Variants in CSTF3 observed in about 807,000 individuals in gnomAD.
CSTF3 encodes CF-1 77 kDa subunit.
CSTF3 carries 29 observed loss-of-function variants against 105.8 expected under a neutral mutation model. That is an observed-to-expected ratio of 0.27 (90% CI 0.20 to 0.37). CSTF3 has a LOEUF of 0.37. Ranked by LOEUF, CSTF3 falls within the 10% of genes least tolerant of loss-of-function variation. CSTF3 has a pLI of 1.00. For synonymous variants in CSTF3, 252 were observed against 281.9 expected, an observed-to-expected ratio of 0.89 and a Z score of 1.06; for missense variants, 357 against 879.3, an observed-to-expected ratio of 0.41 and a Z score of 7.51.
At chr11:33,098,986 T>A in intron 12 of CSTF3, 48 bp downstream of exon 12, 1 of 1,541,852 alleles carries the variant, frequency 6.5e-7, no homozygotes, top group Non-Finnish European at 8.6e-7. Flanking sequence ...AGTTCAGTCC[T>A]GCACTAAAAA....
chr11:33,090,883 T>C (rs562021418), intron 16 of CSTF3, among the ~76,000 whole-genome samples, 156 bp from the exon 17 acceptor site: 105 of 152,356 alleles, frequency 6.9e-4, no homozygotes, highest in Non-Finnish European at 1.2e-3. Context: ...AATAGAATAG[T>C]ATAATGAATA....
At chr11:33,090,395 G>C (rs951072549) in intron 17 of CSTF3, 137 bp downstream of exon 17, 1 of 504,110 alleles carries the variant, frequency 2.0e-6, no homozygotes, top group Non-Finnish European at 3.2e-6. Context: ...GAAAATCTTT[G>C]AACTTTTTTC....
intron 7 of CSTF3, 45 bp from the exon 8 acceptor site, chr11:33,105,738 C>T (rs935482031): frequency 3.1e-6 from 5 of 1,599,948 alleles, no homozygotes; most frequent in Non-Finnish European, 3.4e-6. Flanking sequence ...ATAACCAAAT[C>T]TCATTCAACC....
chr11:33,088,070 G>T (rs926830022), intron 17 of CSTF3, among the ~76,000 whole-genome samples: 13 of 152,102 alleles, frequency 8.5e-5, no homozygotes, highest in African/African-American at 2.9e-4. Flanking sequence ...AAATGGAGTT[G>T]GTGACATCTG....
At chr11:33,127,150 G>C (rs1194059983) in intron 3 of CSTF3, among the ~76,000 whole-genome samples, 2 of 152,072 alleles carry the variant, frequency 1.3e-5, no homozygotes, top group East Asian at 1.9e-4. Context: ...CTAGAGAATA[G>C]ACTTTACTAT....
intron 3 of CSTF3, among the ~76,000 whole-genome samples, chr11:33,131,480 G>A (rs11032153): frequency 0.12 from 18,848 of 152,106 alleles, 2,961 homozygotes; most frequent in African/African-American, 0.37. Flanking sequence ...GATTTCTTAG[G>A]TCAGTTCGTA....
At chr11:33,097,429 G>A (rs1449871819) in intron 13 of CSTF3, among the ~76,000 whole-genome samples, 1 of 152,130 alleles carries the variant, frequency 6.6e-6, no homozygotes, top group East Asian at 1.9e-4. Context: ...GAGTGCAGTG[G>A]TGCGATCTTG....
At chr11:33,111,856 T>G (rs1432969926) in intron 3 of CSTF3, among the ~76,000 whole-genome samples, 1 of 152,222 alleles carries the variant, frequency 6.6e-6, no homozygotes, top group Non-Finnish European at 1.5e-5. Flanking sequence ...ATGCAACCAG[T>G]AAATATTATT....
At chr11:33,115,267 G>A (rs1355899752) in intron 3 of CSTF3, among the ~76,000 whole-genome samples, 1 of 152,132 alleles carries the variant, frequency 6.6e-6, no homozygotes, top group Non-Finnish European at 1.5e-5. Flanking sequence ...CCTGAAATCT[G>A]AAAGCAAATG....
chr11:33,102,407 G>A (rs1855289164), intron 9 of CSTF3, 68 bp from the exon 10 acceptor site: 1 of 1,477,362 alleles, frequency 6.8e-7, no homozygotes, highest in Non-Finnish European at 9.4e-7. Flanking sequence ...GGATGGGGTA[G>A]ATCAGTTTGG....
chr11:33,134,199 T>G (rs1565014907), intron 3 of CSTF3, among the ~76,000 whole-genome samples: 1 of 152,218 alleles, frequency 6.6e-6, no homozygotes. Context: ...AATTTCAAAA[T>G]AAAGTTACAA....
chr11:33,110,383 G>C lies in CSTF3; in HGVS notation c.226-1965C>G, dbSNP rs192601114. Among the ~76,000 whole-genome samples the C allele has an allele frequency of 1.3e-4, 20 of 152,254 alleles. 1 individual carries two copies. Among genetic ancestry groups the C allele is most frequent in the South Asian group, 2.1e-4 (1 of 4,826 alleles). On this transcript the variant is annotated intron_variant, in intron 3 of 20. Coordinates refer to ENST00000323959, the MANE Select transcript of CSTF3 (RefSeq NM_001326.3). ...TTCGTCTGGGGTAAAGACATTTGAG[G>C]GGTTCCAAATTTTCTATGGGTCAGC...
At chr11:33,146,970 A>G (rs995282633) in intron 1 of CSTF3, among the ~76,000 whole-genome samples, 1 of 152,128 alleles carries the variant, frequency 6.6e-6, no homozygotes, top group Admixed American at 6.5e-5. Flanking sequence ...GTTCAAGAGC[A>G]GCTGAGCAAC....
chr11:33,099,781 G>A lies in CSTF3; in HGVS notation c.827-64C>T. ...AATTATTATTTGTAAAACTATCAATGTAAATATCATAACCAAATTAGGCTC... is the reference window on the plus strand; with the variant it reads ...AATTATTATTTGTAAAACTATCAATATAAATATCATAACCAAATTAGGCTC... On this transcript the variant is annotated intron_variant, in intron 10 of 20. Transcript: ENST00000323959. This position sits in a 1 kb window ranked among gnomAD's most constrained non-coding sequence, Gnocchi z 4.1. 1 of 1,060,270 alleles carries A rather than the reference G, an allele frequency of 9.4e-7. No homozygotes were observed. 65.7% of individuals were successfully genotyped at this position (1,060,270 alleles called of 1,614,324 possible). A position where few individuals can be genotyped will look rare whatever the true frequency, so the allele number is the denominator to read the frequency against.
At chr11:33,152,438 C>A (rs2133807498) in intron 1 of CSTF3, among the ~76,000 whole-genome samples, 1 of 152,148 alleles carries the variant, frequency 6.6e-6, no homozygotes, top group East Asian at 1.9e-4. Flanking sequence ...TGGGTTTTTT[C>A]ATTAATGAAT....
chr11:33,129,574 A>C (rs1855577878), intron 3 of CSTF3, among the ~76,000 whole-genome samples: 1 of 152,182 alleles, frequency 6.6e-6, no homozygotes, highest in South Asian at 2.1e-4. Flanking sequence ...TAATCCAGGC[A>C]AATACGTCAG....
At chr11:33,157,130 AT>A (rs1849877047) in intron 1 of CSTF3, among the ~76,000 whole-genome samples, 2 of 152,202 alleles carry the variant, frequency 1.3e-5, no homozygotes, top group Admixed American at 6.5e-5. Context: ...AGGCAGGCAG[AT>A]CACTTGAGGT....
intron 3 of CSTF3, among the ~76,000 whole-genome samples, chr11:33,131,075 A>G (rs918488013): frequency 1.3e-5 from 2 of 152,198 alleles, no homozygotes; most frequent in South Asian, 2.1e-4. Context: ...TTAAAATCCA[A>G]AATTACAAAG....
chr11:33,145,154 C>T (rs925713642), intron 1 of CSTF3, among the ~76,000 whole-genome samples: 3 of 151,972 alleles, frequency 2.0e-5, no homozygotes, highest in Admixed American at 6.6e-5. Flanking sequence ...AAAATGCAGC[C>T]GGATGCAGAG....
Sources: gnomAD v4.1 joint callset for allele counts (sites outside exome capture counted in the v4.1 genomes callset) on GRCh38, gnomAD v4.1.1 for gene constraint, Gnocchi (gnomAD v3.1) non-coding constraint, MANE v1.5 for transcripts, NCBI Gene and HGNC (gene_info 2026-07-23, HGNC 2026-07-21) for gene names.